KDM1B: variants seen among roughly 807,000 people sequenced by gnomAD.
KDM1B encodes the protein lysine demethylase 1B, also known as lysine-specific histone demethylase 2.
In KDM1B, 63 loss-of-function variants were observed where a neutral mutation model predicts 107.4. The ratio of observed to expected loss-of-function variants is 0.59; its 90% CI spans 0.48 to 0.72. The LOEUF (loss-of-function observed/expected upper bound fraction) is 0.72, where lower values mean the gene tolerates loss of function less well. Ranked by LOEUF, KDM1B falls within the 30% of genes least tolerant of loss-of-function variation. The pLI is 0.00. For synonymous variants in KDM1B, 363 were observed against 363.9 expected (o/e 1.00, Z 0.03); for missense variants, 749 against 1,020.8 (o/e 0.73, Z 3.63).
At chr6:18,221,300 ATTAC>A (rs1260109164) in intron 21 of KDM1B, among the ~76,000 whole-genome samples, 3 of 152,084 alleles carry the variant, frequency 2.0e-5, no homozygotes, top group South Asian at 4.2e-4. Flanking sequence ...CCTTGTCATA[ATTAC>A]TTAATCACTA....
chr6:18,191,965 A>G lies in KDM1B; in HGVS notation c.969+584A>G, dbSNP rs1337352626. Among the ~76,000 whole-genome samples, 1 of 152,174 alleles carries G rather than the reference A, an allele frequency of 6.6e-6. No individual in the cohort carries two copies. Among genetic ancestry groups the G allele is most frequent in the Admixed American group, 6.6e-5 (1 of 15,260 alleles). On this transcript the variant is annotated intron_variant, in intron 10 of 21. Coordinates refer to ENST00000650836, the MANE Select transcript of KDM1B (RefSeq NM_001364614.2). This position sits in a 1 kb window ranked among gnomAD's most constrained non-coding sequence, Gnocchi z 5.1. Reference sequence around the variant, plus strand: ...CAGAATGGGAATACTAGCTAAAAACAAAAAACAAAGGGGCTGGGTGAAGTG... The same window carrying G: ...CAGAATGGGAATACTAGCTAAAAACGAAAAACAAAGGGGCTGGGTGAAGTG...
chr6:18,174,471 T>A (rs1446299058), intron 7 of KDM1B, among the ~76,000 whole-genome samples: 2 of 152,166 alleles, frequency 1.3e-5, no homozygotes, highest in African/African-American at 4.8e-5. Flanking sequence ...TTTTATTTAT[T>A]TTTATTTTTC....
intron 5 of KDM1B, among the ~76,000 whole-genome samples, chr6:18,165,128 A>ATGTTT: frequency 1.2e-5 from 1 of 81,570 alleles, no homozygotes; most frequent in Non-Finnish European, 2.2e-5. Context: ...GCCTTCTCTG[A>ATGTTT]TTTTTTTTTT....
chr6:18,161,884 A>G (rs1474758258), intron 4 of KDM1B, among the ~76,000 whole-genome samples: 2 of 151,724 alleles, frequency 1.3e-5, no homozygotes, highest in African/African-American at 2.4e-5. Flanking sequence ...TAGAAACTAC[A>G]GCTAACTGCA....
chr6:18,156,861 G>A (rs1784644323), intron 2 of KDM1B, among the ~76,000 whole-genome samples: 1 of 151,952 alleles, frequency 6.6e-6, no homozygotes, highest in South Asian at 2.1e-4. Flanking sequence ...ATGTTGTAGT[G>A]AGCCGAGATC....
At position 18,204,804 on chromosome 6, in the gene KDM1B, T is replaced by C. The variant is rs1311421613; in HGVS notation, c.1532-733T>C. On this transcript the variant is annotated intron_variant, in intron 14 of 21. Transcript: ENST00000650836. The surrounding 1 kb of genome is among the most constrained non-coding windows in gnomAD (Gnocchi z 4.9). ...ACTATAAAGAATGGATGGGATTGGG[T>C]GGGAGAAGGCATTCCCATGAGGGAG... Among the ~76,000 whole-genome samples the C allele has an allele frequency of 6.6e-6, 1 of 152,016 alleles. No individual in the cohort carries two copies. Among genetic ancestry groups the C allele is most frequent in the Admixed American group, 6.5e-5 (1 of 15,268 alleles).
intron 5 of KDM1B, among the ~76,000 whole-genome samples, chr6:18,165,337 A>G (rs187390104): frequency 1.5e-4 from 22 of 151,268 alleles, no homozygotes; most frequent in East Asian, 1.2e-3. Flanking sequence ...TCACTGTGTT[A>G]GCCAGGATGG....
intron 21 of KDM1B, among the ~76,000 whole-genome samples, chr6:18,220,783 T>A (rs2151059689): frequency 6.6e-6 from 1 of 151,718 alleles, no homozygotes; most frequent in African/African-American, 2.4e-5. Context: ...TTCCTTTTTT[T>A]TTTTTTGAGA....
rs1457253785 is a variant in KDM1B, at chr6:18,211,279, T to G, written c.1867-1209T>G. On this transcript the variant is annotated intron_variant, in intron 17 of 21. Coordinates refer to ENST00000650836, the MANE Select transcript of KDM1B (RefSeq NM_001364614.2). The surrounding 1 kb of genome is among the most constrained non-coding windows in gnomAD (Gnocchi z 5.2). ...AAAATCTTTGAAGCCTCAGGTAGAT[T>G]GGGTGCTTGGTCTTCAACTCCATTC... 9.9e-5 allele frequency among the ~76,000 whole-genome samples: 15 copies of G among 152,122 alleles called. No homozygotes were observed.
Position 18,197,089 on chromosome 6 carries a change from C to A in KDM1B, c.1002C>A (p.His334Gln), listed in dbSNP as rs1417555973. 6.2e-7 allele frequency: 1 copy of A among 1,613,836 alleles called. No homozygotes were observed. Among genetic ancestry groups the A allele is most frequent in the African/African-American group, 1.3e-5 (1 of 74,938 alleles). The change falls in exon 11 of 22, where the codon CAC becomes CAA. Residue 334 changes from histidine (H) to glutamine (Q), a missense_variant. Coordinates refer to ENST00000650836, the MANE Select transcript of KDM1B (RefSeq NM_001364614.2). This position sits in a 1 kb window ranked among gnomAD's most constrained non-coding sequence, Gnocchi z 4.5. ...TTACTCCTCAGAAATGTATTCCTCA[C>A]ATCATCGTCCGGGGTCTCGTGCGTA... Reference protein sequence around the residue: ...EALTPQKCIPHIIVRGLVRIR... With the variant: ...EALTPQKCIPQIIVRGLVRIR...
In KDM1B at chr6:18,201,787, G is replaced by T; in HGVS notation, c.1531+130G>T. On this transcript the variant is annotated intron_variant, in intron 14 of 21. Coordinates refer to ENST00000650836, the MANE Select transcript of KDM1B (RefSeq NM_001364614.2). This position sits in a 1 kb window ranked among gnomAD's most constrained non-coding sequence, Gnocchi z 4.3. ...GGTAGCCCTCCTGAGCATTTCTTTT[G>T]GACTGATGGATTCTCCAAGTTCTCA... 1 of 738,724 alleles carries T rather than the reference G, an allele frequency of 1.4e-6. No individual in the cohort carries two copies. The highest frequency in any genetic ancestry group is 2.1e-6 in the Non-Finnish European group (1 of 466,168). The allele number at this position is 738,724 out of a possible 1,614,324, so 45.8% of individuals were successfully genotyped here.
Position 18,215,136 on chromosome 6 carries a change from G to A in KDM1B, c.2232+7G>A. 1 of 1,610,274 alleles carries A rather than the reference G, an allele frequency of 6.2e-7. No individual in the cohort carries two copies. The highest frequency in any genetic ancestry group is 8.5e-7 in the Non-Finnish European group (1 of 1,179,158). On this transcript the variant is annotated splice_region_variant and intron_variant, in intron 20 of 21. Transcript: ENST00000650836. ...GGAGCTGTTCAAGGAGCAGGTGAGA[G>A]AGAGGAAGCCCTCCTTGAAAGGGGC...
At chr6:18,167,423 A>AT (rs1284128919) in intron 6 of KDM1B, among the ~76,000 whole-genome samples, 1 of 151,946 alleles carries the variant, frequency 6.6e-6, no homozygotes, top group Non-Finnish European at 1.5e-5. Context: ...TTGAAAATAT[A>AT]TTTTCATTAT....
chr6:18,187,709 G>A lies in KDM1B; in HGVS notation c.574-83G>A, dbSNP rs1356151195. On this transcript the variant is annotated intron_variant, in intron 8 of 21. Transcript: ENST00000650836. ...GCGGGTTAAGGACAAGTGAAACGAA[G>A]AGAACCCTCTGTCCCTGGCAGAATC... 3 of 913,026 alleles carry A rather than the reference G, an allele frequency of 3.3e-6. No individual in the cohort carries two copies. In the African/African-American group the frequency reaches 4.9e-5, roughly 15 times the overall value. The allele number at this position is 913,026 out of a possible 1,614,324, so 56.6% of individuals were successfully genotyped here. A position where few individuals can be genotyped will look rare whatever the true frequency, so the allele number is the denominator to read the frequency against.
chr6:18,175,272 C>T (rs1481482555), intron 7 of KDM1B, among the ~76,000 whole-genome samples: 2 of 152,144 alleles, frequency 1.3e-5, no homozygotes, highest in Non-Finnish European at 2.9e-5. Flanking sequence ...GTTTGTTGGC[C>T]ATTTATATAT....
rs1245644384 is a variant in KDM1B at position 18,204,043 on chromosome 6, CAA to C, written c.1532-1492_1532-1491del. Among the ~76,000 whole-genome samples the C allele has an allele frequency of 2.0e-5, 3 of 151,878 alleles. No individual in the cohort carries two copies. Among genetic ancestry groups the C allele is most frequent in the African/African-American group, 7.3e-5 (3 of 41,310 alleles). ...ACAAAGCCCAGGGGTCTAGGAGCAA[CAA>C]AGACAGGCACAAATCTGGAGGCCTC... On this transcript the variant is annotated intron_variant, in intron 14 of 21. Transcript: ENST00000650836. The surrounding 1 kb of genome is among the most constrained non-coding windows in gnomAD (Gnocchi z 4.9).
intron 7 of KDM1B, among the ~76,000 whole-genome samples, chr6:18,182,774 T>C (rs1786564947): frequency 6.6e-6 from 1 of 152,100 alleles, no homozygotes; most frequent in African/African-American, 2.4e-5. Context: ...CAAGTGATCC[T>C]CCCACCTTGG....
At position 18,159,726 on chromosome 6, in the gene KDM1B, G is replaced by A. The variant is rs1345902701; in HGVS notation, c.-13-157G>A. ...AGTTCCAGGCTAGCCTGGGCAACAT[G>A]GCAAGAATGTCTCAAAAGAAAAGAA... On this transcript the variant is annotated intron_variant, in intron 2 of 21. Coordinates refer to ENST00000650836, the MANE Select transcript of KDM1B (RefSeq NM_001364614.2). This position sits in a 1 kb window ranked among gnomAD's most constrained non-coding sequence, Gnocchi z 4.5. 6.6e-6 allele frequency among the ~76,000 whole-genome samples: 1 copy of A among 152,118 alleles called. No homozygotes were observed. The highest frequency in any genetic ancestry group is 1.5e-5 in the Non-Finnish European group (1 of 68,034).
At position 18,200,489 on chromosome 6, in the gene KDM1B, T is replaced by C. The variant is rs1409025832; in HGVS notation, c.1272T>C (p.Asp424=). The C allele has an allele frequency of 6.2e-7, 1 of 1,614,100 alleles. No homozygotes were observed. Among genetic ancestry groups the C allele is most frequent in the African/African-American group, 1.3e-5 (1 of 75,062 alleles). ...GAATTGGAGGCCGAGTCTGGGATGATAAATCTTTTAAAGGCGTCACAGTGG... is the reference window on the plus strand; with the variant it reads ...GAATTGGAGGCCGAGTCTGGGATGACAAATCTTTTAAAGGCGTCACAGTGG... The part of the protein sequence containing the change: ...KDRIGGRVWD[D]KSFKGVTVGR... Residue 424 remains aspartate, a synonymous_variant, in exon 13 of 22, where the codon GAT becomes GAC. Coordinates refer to ENST00000650836, the MANE Select transcript of KDM1B (RefSeq NM_001364614.2). This position sits in a 1 kb window ranked among gnomAD's most constrained non-coding sequence, Gnocchi z 4.3.
Sources: gnomAD v4.1 joint callset for allele counts (sites outside exome capture counted in the v4.1 genomes callset) on GRCh38, gnomAD v4.1.1 for gene constraint, Gnocchi (gnomAD v3.1) non-coding constraint, MANE v1.5 for transcripts, NCBI Gene and HGNC (gene_info 2026-07-23, HGNC 2026-07-21) for gene names.